Variants in C1orf94 observed in about 807,000 individuals in gnomAD.
C1orf94 encodes uncharacterized protein C1orf94.
A neutral mutation model predicts 53.6 loss-of-function variants in C1orf94; 45 were observed. The ratio of observed to expected loss-of-function variants is 0.84; its 90% CI spans 0.66 to 1.08. The LOEUF (loss-of-function observed/expected upper bound fraction) is 1.08, where lower values mean the gene tolerates loss of function less well. Among genes scored for constraint, C1orf94 ranks in the 50% least tolerant of loss-of-function variants. The pLI is 0.00. For missense variants in C1orf94, 762 were observed against 738.9 expected, an observed-to-expected ratio of 1.03 and a Z score of -0.36; for synonymous variants, 304 against 296.1, an observed-to-expected ratio of 1.03 and a Z score of -0.27.
intron 1 of C1orf94, among the ~76,000 whole-genome samples, chr1:34,184,712 T>G (rs1217424322): frequency 6.6e-6 from 1 of 152,242 alleles, no homozygotes; most frequent in East Asian, 1.9e-4. Context: ...TCCACTCGGC[T>G]TCCTTGCTTG....
rs1305285768 is a variant in C1orf94, at chr1:34,212,225, C to T, written c.1540C>T (p.Pro514Ser). The T allele has an allele frequency of 6.2e-7, 1 of 1,611,466 alleles. No individual in the cohort carries two copies. Among genetic ancestry groups the T allele is most frequent in the African/African-American group, 1.3e-5 (1 of 74,780 alleles). The change falls in exon 6 of 7, where the codon CCA (proline) becomes TCA (serine). Residue 514 changes from proline to serine, a missense_variant. Pro to Ser is a moderately conservative substitution (Grantham distance 74). Coordinates refer to ENST00000488417, the MANE Select transcript of C1orf94 (RefSeq NM_001134734.2). ...CYSQQVMPYN[P>S]QQMGQQIFRS... ...TGATGTGCAGGTGATGCCATACAAC[C>T]CACAGCAGATGGGACAGCAGATCTT...
chr1:34,218,872 A>C lies in C1orf94; in HGVS notation c.*111A>C. On this transcript the variant is annotated 3_prime_UTR_variant, in exon 7 of 7. Coordinates refer to ENST00000488417, the MANE Select transcript of C1orf94 (RefSeq NM_001134734.2). ...AGTTTGGAAAAGCAAGGTTCTGACC[A>C]GGTCACAGACAAAACAGCAAGACCA... 1 of 880,520 alleles carries C rather than the reference A, an allele frequency of 1.1e-6. No individual in the cohort carries two copies. The highest frequency in any genetic ancestry group is 2.3e-5 in the South Asian group (1 of 44,250). 54.5% of individuals were successfully genotyped at this position (880,520 alleles called of 1,614,324 possible). A position where few individuals can be genotyped will look rare whatever the true frequency, so the allele number is the denominator to read the frequency against.
chr1:34,210,616 C>T (rs766090249), intron 5 of C1orf94, among the ~76,000 whole-genome samples: 7 of 151,754 alleles, frequency 4.6e-5, no homozygotes, highest in Non-Finnish European at 7.4e-5. Flanking sequence ...TGTGAAGGGC[C>T]GGGCACATTT....
At chr1:34,199,141 G>A (rs538023266) in intron 2 of C1orf94, among the ~76,000 whole-genome samples, 2 of 152,314 alleles carry the variant, frequency 1.3e-5, no homozygotes, top group Admixed American at 6.5e-5. Context: ...GTACACATTT[G>A]TGCATATGTC....
chr1:34,195,925 GT>G (rs1168986020), intron 1 of C1orf94, among the ~76,000 whole-genome samples: 1 of 152,156 alleles, frequency 6.6e-6, no homozygotes, highest in Non-Finnish European at 1.5e-5. Context: ...GCTGGAACCT[GT>G]GCTGGACCTC....
chr1:34,192,935 G>A (rs1642516710), intron 1 of C1orf94, among the ~76,000 whole-genome samples: 1 of 152,194 alleles, frequency 6.6e-6, no homozygotes, highest in Non-Finnish European at 1.5e-5. Context: ...GCATCATAAA[G>A]GAGTTTGGAT....
At chr1:34,183,167 G>A (rs994550874) in intron 1 of C1orf94, among the ~76,000 whole-genome samples, 2 of 152,238 alleles carry the variant, frequency 1.3e-5, no homozygotes, top group African/African-American at 4.8e-5. Flanking sequence ...GGAGCAATGG[G>A]TTTTGGGGGA....
At chr1:34,215,772 G>A (rs946031747) in intron 6 of C1orf94, among the ~76,000 whole-genome samples, 6 of 152,168 alleles carry the variant, frequency 3.9e-5, no homozygotes, top group East Asian at 1.9e-4. Flanking sequence ...TTCGGAGACC[G>A]AGGTGGGTGG....
At chr1:34,184,460 A>AG (rs1375736660) in intron 1 of C1orf94, among the ~76,000 whole-genome samples, 1 of 152,186 alleles carries the variant, frequency 6.6e-6, no homozygotes, top group African/African-American at 2.4e-5. Flanking sequence ...TGGTCTGCAG[A>AG]GTGGAAAGGC....
intron 1 of C1orf94, among the ~76,000 whole-genome samples, chr1:34,196,248 G>A (rs902365784): frequency 1.3e-5 from 2 of 152,182 alleles, no homozygotes; most frequent in African/African-American, 2.4e-5. Context: ...AAGTGGCAAC[G>A]AGGAGCCTAA....
At chr1:34,201,145 G>A in intron 3 of C1orf94, 113 bp downstream of exon 3, 1 of 1,427,020 alleles carries the variant, frequency 7.0e-7, no homozygotes, top group East Asian at 2.5e-5. Flanking sequence ...CTTTCTAGAG[G>A]TGTCAGTTTT....
intron 4 of C1orf94, 136 bp from the exon 5 acceptor site, chr1:34,208,021 G>A (rs1157905027): frequency 6.6e-6 from 5 of 761,334 alleles, no homozygotes; most frequent in African/African-American, 1.7e-5. Context: ...GTTCCAGCTG[G>A]CCTCAGACAG....
chr1:34,184,784 A>G (rs1642360425), intron 1 of C1orf94, among the ~76,000 whole-genome samples: 1 of 151,660 alleles, frequency 6.6e-6, no homozygotes, highest in East Asian at 1.9e-4. Context: ...GGTGAACCCG[A>G]CTTCTCTGGA....
intron 1 of C1orf94, among the ~76,000 whole-genome samples, chr1:34,167,992 A>G (rs1642077177): frequency 6.6e-6 from 1 of 152,204 alleles, no homozygotes; most frequent in South Asian, 2.1e-4. Context: ...CCCTGACTTG[A>G]TGAAGGCAGA....
intron 1 of C1orf94, among the ~76,000 whole-genome samples, chr1:34,187,348 G>A (rs1035588469): frequency 6.6e-6 from 1 of 152,078 alleles, no homozygotes; most frequent in Non-Finnish European, 1.5e-5. Flanking sequence ...GGAACCATGG[G>A]CCCTTCCGAA....
At position 34,212,351 on chromosome 1, in the gene C1orf94, G is replaced by C; in HGVS notation, c.1666G>C (p.Asp556His). Residue 556 changes from aspartate to histidine, a missense_variant, in exon 6 of 7, where the codon GAC (aspartate) becomes CAC (histidine). By Grantham distance (81) the Asp-to-His change is moderately conservative. Transcript: ENST00000488417. ...TPPKMSANPR[D>H]PPLMAGDGPQ... ...TCCAAAGATGTCTGCCAACCCCCGA[G>C]ACCCTCCCCTAATGGCAGGAGATGG... is the stretch of plus-strand genomic sequence containing the variant. The C allele has an allele frequency of 6.2e-7, 1 of 1,613,864 alleles. No homozygotes were observed.
chr1:34,187,587 T>TA (rs796478428), intron 1 of C1orf94, among the ~76,000 whole-genome samples: 2,399 of 142,706 alleles, frequency 0.017, 51 homozygotes, highest in African/African-American at 0.05. Flanking sequence ...CAAGTCACAT[T>TA]AAAAAAAAAA....
At chr1:34,167,788 A>G (rs931681028) in intron 1 of C1orf94, among the ~76,000 whole-genome samples, 3 of 152,176 alleles carry the variant, frequency 2.0e-5, no homozygotes, top group African/African-American at 4.8e-5. Context: ...GAGGCATGTC[A>G]AGACAGTGAG....
rs566343571 is a variant in C1orf94 at position 34,207,057 on chromosome 1, T to TC, written c.1447-1099dup. Among the ~76,000 whole-genome samples the TC allele has an allele frequency of 3.5e-3, 534 of 152,092 alleles. 3 individuals carry two copies. The highest frequency in any genetic ancestry group is 0.027 in the South Asian group (132 of 4,818). On this transcript the variant is annotated intron_variant, in intron 4 of 6. Coordinates refer to ENST00000488417, the MANE Select transcript of C1orf94 (RefSeq NM_001134734.2). Reference sequence around the variant, plus strand: ...TGAGGGAACCCTCAAGGGTGTAGGGTCAGCCATCATCAACACTTTGGTCAT... The same window carrying TC: ...TGAGGGAACCCTCAAGGGTGTAGGGTCCAGCCATCATCAACACTTTGGTCAT...
Sources: gnomAD v4.1 joint callset for allele counts (sites outside exome capture counted in the v4.1 genomes callset) on GRCh38, gnomAD v4.1.1 for gene constraint, MANE v1.5 for transcripts, NCBI Gene and HGNC (gene_info 2026-07-23, HGNC 2026-07-21) for gene names.